NLRC3: variants seen among roughly 807,000 people sequenced by gnomAD.
The protein encoded by NLRC3 is NLR family CARD domain containing 3, also known as NLR family CARD domain-containing protein 3.
In NLRC3, 87 loss-of-function variants were observed where a neutral mutation model predicts 91.6. The ratio of observed to expected loss-of-function variants is 0.95; its 90% CI spans 0.80 to 1.14. The LOEUF is 1.14. NLRC3 is among the 50% of genes most tolerant of loss of function. NLRC3 has a pLI of 0.00. For missense variants in NLRC3, 1,577 were observed against 1,418.6 expected (o/e 1.11, Z -1.79); for synonymous variants, 694 against 625.3 (o/e 1.11, Z -1.64).
At chr16:3,549,858 A>G in intron 11 of NLRC3, 78 bp from the exon 12 acceptor site, 3 of 971,960 alleles carry the variant, frequency 3.1e-6, no homozygotes, top group Non-Finnish European at 4.7e-6. Context: ...CTGGGACAGC[A>G]GGCACTGGGC....
In NLRC3 at chr16:3,542,198, G is replaced by A. The variant is rs866638913; in HGVS notation, c.3100C>T (p.His1034Tyr). ...AAGGGCAGGTGCACTCACTTGATAT[G>A]CTGGAGCCTGTGGTTTCCAGACAGT... ...TALSGNHRLQ[H>Y]INLQGNHIGD... Residue 1034 changes from histidine (H) to tyrosine (Y), a missense_variant, in exon 19 of 20, where the codon CAT becomes TAT. By Grantham distance (83) the His-to-Tyr change is moderately conservative. Coordinates refer to ENST00000359128, the MANE Select transcript of NLRC3 (RefSeq NM_178844.4). 6.3e-7 allele frequency: 1 copy of A among 1,580,792 alleles called. No homozygotes were observed. The highest frequency in any genetic ancestry group is 8.6e-7 in the Non-Finnish European group (1 of 1,161,474).
intron 6 of NLRC3, among the ~76,000 whole-genome samples, chr16:3,559,481 A>C (rs368920114): frequency 2.0e-5 from 3 of 152,292 alleles, no homozygotes; most frequent in African/African-American, 4.8e-5. Flanking sequence ...GGAAGGAGCC[A>C]CTGTGCCTGG....
At chr16:3,576,969 C>G (rs1308869578) in intron 1 of NLRC3, among the ~76,000 whole-genome samples, 180 bp downstream of exon 1, 1 of 152,178 alleles carries the variant, frequency 6.6e-6, no homozygotes, top group Non-Finnish European at 1.5e-5. Context: ...CGTGCCTGGC[C>G]ACATCTCTTT....
intron 1 of NLRC3, among the ~76,000 whole-genome samples, chr16:3,574,607 GACA>G (rs1246388423): frequency 6.6e-6 from 1 of 152,174 alleles, no homozygotes; most frequent in Non-Finnish European, 1.5e-5. Flanking sequence ...CTCCTGATCA[GACA>G]CCCATCTTTG....
Position 3,563,664 on chromosome 16 carries a change from C to T in NLRC3, c.1273G>A (p.Val425Ile). The change falls in exon 5 of 20, where the codon GTA (valine) becomes ATA (isoleucine). Residue 425 changes from valine (V) to isoleucine (I), a missense_variant. Transcript: ENST00000359128. ...FYEQDMKAFG[V>I]DLALLQGAPC... The stretch of plus-strand genomic sequence containing the variant: ...GCGCCCTGCAGCAGAGCGAGGTCTA[C>T]ACCAAACGCCTTCATGTCTTGCTCG... 1 of 1,613,780 alleles carries T rather than the reference C, an allele frequency of 6.2e-7. No individual in the cohort carries two copies. The highest frequency in any genetic ancestry group is 8.5e-7 in the Non-Finnish European group (1 of 1,179,872).
intron 1 of NLRC3, among the ~76,000 whole-genome samples, chr16:3,569,144 T>G (rs1443051281): frequency 6.6e-6 from 1 of 151,736 alleles, no homozygotes; most frequent in Non-Finnish European, 1.5e-5. Flanking sequence ...CGGAACCCCA[T>G]CTCTACTAAA....
At chr16:3,576,012 C>T (rs2040276831) in intron 1 of NLRC3, among the ~76,000 whole-genome samples, 1 of 152,206 alleles carries the variant, frequency 6.6e-6, no homozygotes, top group Non-Finnish European at 1.5e-5. Context: ...GGCACCTGCA[C>T]CTCAGGGCCC....
At position 3,556,950 on chromosome 16, in the gene NLRC3, G is replaced by C. The variant is rs1397622879; in HGVS notation, c.2144C>G (p.Ala715Gly). 3 of 1,613,850 alleles carry C rather than the reference G, an allele frequency of 1.9e-6. No individual in the cohort carries two copies. Among genetic ancestry groups the C allele is most frequent in the South Asian group, 2.2e-5 (2 of 91,072 alleles). Residue 715 changes from alanine to glycine, a missense_variant, in exon 8 of 20, where the codon GCA becomes GGA. Ala to Gly is a moderately conservative substitution (Grantham distance 60). Coordinates refer to ENST00000359128, the MANE Select transcript of NLRC3 (RefSeq NM_178844.4). ...GGTGCGGTTGATCTTCAAAGCGTCTGCCAGCGCCTTGGCCCCTTGTGGTCC... is the reference window on the plus strand; with the variant it reads ...GGTGCGGTTGATCTTCAAAGCGTCTCCCAGCGCCTTGGCCCCTTGTGGTCC... ...SIGPQGAKAL[A>G]DALKINRTLT... is the part of the protein sequence containing the mutation.
At chr16:3,543,553 C>T (rs1488476732) in intron 16 of NLRC3, 45 bp from the exon 17 acceptor site, 3 of 1,332,238 alleles carry the variant, frequency 2.3e-6, no homozygotes, top group African/African-American at 2.9e-5. Context: ...CTGGGCCCAC[C>T]TCCCTCCGCA....
At chr16:3,551,983 A>G (rs2039035586) in intron 10 of NLRC3, among the ~76,000 whole-genome samples, 1 of 148,582 alleles carries the variant, frequency 6.7e-6, no homozygotes, top group Admixed American at 6.7e-5. Flanking sequence ...CCCTTCATTC[A>G]TCCATCCATC....
rs1039401896 is a variant in NLRC3, at chr16:3,577,278, C to G, written c.-298G>C. On this transcript the variant is annotated 5_prime_UTR_variant, in exon 1 of 20. Transcript: ENST00000359128. The stretch of plus-strand genomic sequence containing the variant: ...ATGCCCTGGGAATCCCTGTGCCAGC[C>G]TGAGTTCTCAGGACCAGGGATCAGG... 5.8e-6 allele frequency: 4 copies of G among 693,318 alleles called. No homozygotes were observed. Among genetic ancestry groups the G allele is most frequent in the Admixed American group, 2.0e-5 (1 of 49,166 alleles). 42.9% of individuals were successfully genotyped at this position (693,318 alleles called of 1,614,324 possible). A position where few individuals can be genotyped will look rare whatever the true frequency, so the allele number is the denominator to read the frequency against.
At chr16:3,568,383 C>G (rs924787596) in intron 1 of NLRC3, among the ~76,000 whole-genome samples, 1 of 152,080 alleles carries the variant, frequency 6.6e-6, no homozygotes, top group African/African-American at 2.4e-5. Flanking sequence ...TGCCCCAAAG[C>G]CTGTTCTTTT....
At chr16:3,561,846 C>T (rs1395821353) in intron 5 of NLRC3, 58 bp from the exon 6 acceptor site, 3 of 1,308,618 alleles carry the variant, frequency 2.3e-6, no homozygotes, top group Non-Finnish European at 2.2e-6. Context: ...AGGGTGGGGG[C>T]CCTGGCCCGG....
In NLRC3 at chr16:3,570,058, A is replaced by G. The variant is rs375571276; in HGVS notation, c.-168-2734T>C. ...CACTGAGGCTCAGAGAGGTTAAGTG[A>G]CTTGTCCAAGGATACACAGCTGGGA... On this transcript the variant is annotated intron_variant, in intron 1 of 19. Transcript: ENST00000359128. Among the ~76,000 whole-genome samples, 10 of 152,212 alleles carry G rather than the reference A, an allele frequency of 6.6e-5. No individual in the cohort carries two copies. The East Asian group carries it at 1.5e-3, about 23-fold the overall frequency.
chr16:3,551,351 T>G (rs1163014275), intron 10 of NLRC3, among the ~76,000 whole-genome samples: 2 of 149,638 alleles, frequency 1.3e-5, no homozygotes, highest in Non-Finnish European at 3.0e-5. Flanking sequence ...CATTCAACCA[T>G]CCATCCATTC....
rs778978678 is a variant in NLRC3 at position 3,564,429 on chromosome 16, C to A, written c.508G>T (p.Asp170Tyr). The A allele has an allele frequency of 6.2e-7, 1 of 1,612,764 alleles. No homozygotes were observed. The highest frequency in any genetic ancestry group is 8.5e-7 in the Non-Finnish European group (1 of 1,179,880). ...RLWAHGQVGK[D>Y]FSLVLPLTFR... Reference sequence around the variant, plus strand: ...GTCAGAGGCAGCACCAGCGAGAAGTCCTTGCCGACCTGCCCATGGGCCCAG... The same window carrying A: ...GTCAGAGGCAGCACCAGCGAGAAGTACTTGCCGACCTGCCCATGGGCCCAG... The change falls in exon 5 of 20, where the codon GAC becomes TAC. Residue 170 changes from aspartate (D) to tyrosine (Y), a missense_variant. Physicochemically the swap from Asp to Tyr is radical, Grantham distance 160. Transcript: ENST00000359128. The surrounding 1 kb of genome is among the most constrained non-coding windows in gnomAD (Gnocchi z 5.9).
In NLRC3 at chr16:3,542,246, C is replaced by G; in HGVS notation, c.3052G>C (p.Gly1018Arg). The change falls in exon 19 of 20, where the codon GGG becomes CGG. Residue 1018 changes from glycine (G) to arginine (R), a missense_variant. By Grantham distance (125) the Gly-to-Arg change is moderately radical (BLOSUM62 -2). Coordinates refer to ENST00000359128, the MANE Select transcript of NLRC3 (RefSeq NM_178844.4). ...NLQENSLGMDGAICIATALSG... is the reference protein window; with the variant it reads ...NLQENSLGMDRAICIATALSG... ...AGTGCTGTGGCAATGCATATCGCCCCGTCCATCCCCAGAGAATTCTCTTGA... is the reference window on the plus strand; with the variant it reads ...AGTGCTGTGGCAATGCATATCGCCCGGTCCATCCCCAGAGAATTCTCTTGA... The G allele has an allele frequency of 1.9e-6, 3 of 1,593,988 alleles. No homozygotes were observed. The highest frequency in any genetic ancestry group is 1.7e-6 in the Non-Finnish European group (2 of 1,169,812).
chr16:3,564,352 G>C lies in NLRC3; in HGVS notation c.585C>G (p.Cys195Trp). ...GCTCCCCGACGTGCGGGAAGACCGA[G>C]CAGATGAGTCGGTCGGCACACAGCT... Reference protein sequence around the residue: ...HEKLCADRLICSVFPHVGEPS... With the variant: ...HEKLCADRLIWSVFPHVGEPS... The change falls in exon 5 of 20, where the codon TGC becomes TGG. Residue 195 changes from cysteine to tryptophan, a missense_variant. Transcript: ENST00000359128. The surrounding 1 kb of genome is among the most constrained non-coding windows in gnomAD (Gnocchi z 5.9). The C allele has an allele frequency of 2.5e-6, 4 of 1,612,078 alleles. No homozygotes were observed. The highest frequency in any genetic ancestry group is 2.5e-6 in the Non-Finnish European group (3 of 1,179,744).
Position 3,543,450 on chromosome 16 carries a change from C to T in NLRC3, c.2914G>A (p.Val972Met). The part of the protein sequence containing the change: ...GAQVLGEALA[V>M]NRTLEILDLR... The stretch of plus-strand genomic sequence containing the variant: ...TCGAGAATCTCCAAGGTTCTGTTCA[C>T]AGCCAAGGCTTCCCCTAGCACCTGG... Residue 972 changes from valine (V) to methionine (M), a missense_variant, in exon 17 of 20, where the codon GTG becomes ATG. By Grantham distance (21) the Val-to-Met change is conservative. Coordinates refer to ENST00000359128, the MANE Select transcript of NLRC3 (RefSeq NM_178844.4). 1 of 1,612,858 alleles carries T rather than the reference C, an allele frequency of 6.2e-7. No homozygotes were observed. The highest frequency in any genetic ancestry group is 8.5e-7 in the Non-Finnish European group (1 of 1,179,258).
Sources: gnomAD v4.1 joint callset for allele counts (sites outside exome capture counted in the v4.1 genomes callset) on GRCh38, gnomAD v4.1.1 for gene constraint, Gnocchi (gnomAD v3.1) non-coding constraint, MANE v1.5 for transcripts, NCBI Gene and HGNC (gene_info 2026-07-23, HGNC 2026-07-21) for gene names.